Variants in RUSC1 observed in about 807,000 individuals in gnomAD.
RUSC1 encodes the protein AP-4 complex accessory subunit RUSC1.
A neutral mutation model predicts 72.1 loss-of-function variants in RUSC1; 40 were observed. That is an observed-to-expected ratio of 0.55 (90% CI 0.43 to 0.72). The LOEUF (loss-of-function observed/expected upper bound fraction) is 0.72. RUSC1 is among the 30% of genes least tolerant of loss of function. The pLI is 0.00. For synonymous variants in RUSC1, 512 were observed against 494.2 expected (o/e 1.04, Z -0.48); for missense variants, 1,092 against 1,172.3 (o/e 0.93, Z 1.00).
chr1:155,330,520 G>T lies in RUSC1; in HGVS notation c.2658G>T (p.Arg886=). The change falls in exon 10 of 10, where the codon CGG becomes CGT. Residue 886 remains arginine (R), a synonymous_variant. Coordinates refer to ENST00000368352, the MANE Select transcript of RUSC1 (RefSeq NM_001105203.2). ...ATGAGGACTGGCTCCGCTGTGGGCG[G>T]GATGGCATGGAGGGTCTGGTGCCTG... ...TVDEDWLRCG[R]DGMEGLVPVG... is the part of the protein sequence containing the mutation. The T allele has an allele frequency of 6.2e-7, 1 of 1,613,688 alleles. No homozygotes were observed. The highest frequency in any genetic ancestry group is 8.5e-7 in the Non-Finnish European group (1 of 1,179,766).
Position 155,321,871 on chromosome 1 carries a change from A to G in RUSC1, c.98A>G (p.Gln33Arg). 1 of 1,613,572 alleles carries G rather than the reference A, an allele frequency of 6.2e-7. No individual in the cohort carries two copies. Among genetic ancestry groups the G allele is most frequent in the East Asian group, 2.2e-5 (1 of 44,872 alleles). The change falls in exon 2 of 10, where the codon CAG (glutamine) becomes CGG (arginine). Residue 33 changes from glutamine to arginine, a missense_variant. By Grantham distance (43) the Gln-to-Arg change is conservative (BLOSUM62 1). Transcript: ENST00000368352. ...CACTTGTCCCGCCGTCCTGAGCTAC[A>G]GGAGGGGCCTTTGAGCACACCCCCT... ...GLHLSRRPEL[Q>R]EGPLSTPPPP... is the part of the protein sequence containing the mutation.
intron 1 of RUSC1, 45 bp from the exon 2 acceptor site, chr1:155,321,643 A>T: frequency 6.0e-6 from 8 of 1,333,852 alleles, no homozygotes; most frequent in Non-Finnish European, 8.4e-6. Context: ...CCTTCCCCGC[A>T]GCTCTTGTCC....
intron 2 of RUSC1, chr1:155,324,276 C>A: frequency 2.6e-6 from 4 of 1,526,972 alleles, no homozygotes; most frequent in Admixed American, 2.1e-5. Flanking sequence ...TCCAGTCCCA[C>A]GCGGGATGAA....
At position 155,322,490 on chromosome 1, in the gene RUSC1, A is replaced by G; in HGVS notation, c.717A>G (p.Thr239=). The G allele has an allele frequency of 1.2e-6, 2 of 1,613,274 alleles. No individual in the cohort carries two copies. Among genetic ancestry groups the G allele is most frequent in the Non-Finnish European group, 1.7e-6 (2 of 1,179,436 alleles). ...WKINPIWKID[T]EKTKAEWKTT... The stretch of plus-strand genomic sequence containing the variant: ...TTAACCCAATTTGGAAAATTGACAC[A>G]GAGAAAACTAAAGCTGAATGGAAAA... Residue 239 remains threonine (T), a synonymous_variant, in exon 2 of 10, where the codon ACA becomes ACG. Transcript: ENST00000368352.
chr1:155,321,225 T>C (rs1011387726), intron 1 of RUSC1: 40 of 1,358,342 alleles, frequency 2.9e-5, no homozygotes, highest in Non-Finnish European at 3.9e-5. Context: ...CTCCATCCTT[T>C]TCCTCTCCAG....
chr1:155,326,733 C>T lies in RUSC1; in HGVS notation c.2015C>T (p.Pro672Leu). 6.2e-7 allele frequency: 1 copy of T among 1,613,370 alleles called. No homozygotes were observed. The highest frequency in any genetic ancestry group is 8.5e-7 in the Non-Finnish European group (1 of 1,180,040). Residue 672 changes from proline to leucine, a missense_variant, in exon 8 of 10, where the codon CCC becomes CTC. By Grantham distance (98) the Pro-to-Leu change is moderately conservative (BLOSUM62 -3). Coordinates refer to ENST00000368352, the MANE Select transcript of RUSC1 (RefSeq NM_001105203.2). This position sits in a 1 kb window ranked among gnomAD's most constrained non-coding sequence, Gnocchi z 4.7. ...CTCTTTGAGCACCACCACCACCTGC[C>T]CCTGGGCCCACCTCAGGCCCCTGCC... ...DLLFEHHHHL[P>L]LGPPQAPAPP...
At chr1:155,321,342 C>T (rs1404103860) in intron 1 of RUSC1, 11 of 1,373,488 alleles carry the variant, frequency 8.0e-6, no homozygotes, top group Non-Finnish European at 1.1e-5. Flanking sequence ...GTCCCTTCCT[C>T]TGGGAGTAAG....
intron 9 of RUSC1, among the ~76,000 whole-genome samples, chr1:155,328,789 G>A (rs891468087): frequency 3.3e-5 from 5 of 152,102 alleles, no homozygotes; most frequent in Non-Finnish European, 7.4e-5. Context: ...AGTAGAGACC[G>A]GGGTTTCACC....
Position 155,321,971 on chromosome 1 carries a change from C to T in RUSC1, c.198C>T (p.Ser66=). 8.1e-6 allele frequency: 13 copies of T among 1,598,484 alleles called. No homozygotes were observed. Among genetic ancestry groups the T allele is most frequent in the Non-Finnish European group, 1.1e-5 (13 of 1,171,660 alleles). ...CCCTGGTGGACGCCAATTCCAACAG[C>T]CCAGCTGTGCCCTGCCGGTGCTGCC... is the stretch of plus-strand genomic sequence containing the variant. The part of the protein sequence containing the change: ...SGTLVDANSN[S]PAVPCRCCQE... The change falls in exon 2 of 10, where the codon AGC becomes AGT. Residue 66 remains serine (S), a synonymous_variant. Transcript: ENST00000368352.
At position 155,324,959 on chromosome 1, in the gene RUSC1, T is replaced by C. The variant is rs202007222; in HGVS notation, c.1456+16T>C. The C allele has an allele frequency of 5.6e-5, 90 of 1,614,024 alleles. No homozygotes were observed. In the Middle Eastern group the frequency reaches 1.2e-3, roughly 21 times the overall value. On this transcript the variant is annotated intron_variant, in intron 3 of 9. Transcript: ENST00000368352. The stretch of plus-strand genomic sequence containing the variant: ...CAGAAGAAAGGTAGGGCACCCTGAC[T>C]CCCGACCCCGCGCTTCCGAATAAAC...
In RUSC1 at chr1:155,321,836, C is replaced by T; in HGVS notation, c.63C>T (p.Ser21=). 8.7e-6 allele frequency: 14 copies of T among 1,613,980 alleles called. No homozygotes were observed. Among genetic ancestry groups the T allele is most frequent in the Non-Finnish European group, 1.1e-5 (13 of 1,180,018 alleles). ...ACCACATCCACCTCCAGCACGTCTCCCTGGGCCTGCACTTGTCCCGCCGTC... is the reference window on the plus strand; with the variant it reads ...ACCACATCCACCTCCAGCACGTCTCTCTGGGCCTGCACTTGTCCCGCCGTC... ...NLNHIHLQHV[S]LGLHLSRRPE... The change falls in exon 2 of 10, where the codon TCC becomes TCT. Residue 21 remains serine (S), a synonymous_variant. Coordinates refer to ENST00000368352, the MANE Select transcript of RUSC1 (RefSeq NM_001105203.2).
intron 2 of RUSC1, chr1:155,324,371 C>T (rs1300580796): frequency 6.2e-7 from 1 of 1,610,704 alleles, no homozygotes; most frequent in Non-Finnish European, 8.5e-7. Flanking sequence ...TCGGGTCTCG[C>T]CTCCCTCCGT....
intron 1 of RUSC1, 108 bp from the exon 2 acceptor site, chr1:155,321,580 C>T: frequency 1.6e-6 from 2 of 1,279,488 alleles, no homozygotes; most frequent in Non-Finnish European, 2.2e-6. Flanking sequence ...GAAATATCTT[C>T]CAAAGCAGCC....
rs1222766076 is a variant in RUSC1 at position 155,326,449 on chromosome 1, C to G, written c.1862-131C>G. On this transcript the variant is annotated intron_variant, in intron 7 of 9. Coordinates refer to ENST00000368352, the MANE Select transcript of RUSC1 (RefSeq NM_001105203.2). The surrounding 1 kb of genome is among the most constrained non-coding windows in gnomAD (Gnocchi z 4.7). ...TGTCAGTCCTATAGCCCACCACATC[C>G]TTCCTCCTCTCTGCCCCAGTGCCCA... is the stretch of plus-strand genomic sequence containing the variant. The G allele has an allele frequency of 1.1e-6, 1 of 927,966 alleles. No homozygotes were observed. The highest frequency in any genetic ancestry group is 1.6e-6 in the Non-Finnish European group (1 of 628,438). 57.5% of individuals were successfully genotyped at this position (927,966 alleles called of 1,614,324 possible). A position where few individuals can be genotyped will look rare whatever the true frequency, so the allele number is the denominator to read the frequency against.
chr1:155,329,062 A>G (rs1292053675), intron 9 of RUSC1, among the ~76,000 whole-genome samples: 1 of 152,072 alleles, frequency 6.6e-6, no homozygotes, highest in African/African-American at 2.4e-5. Flanking sequence ...GATATGATGC[A>G]ATACCTTTTT....
intron 2 of RUSC1, chr1:155,323,457 C>A (rs1650843787): frequency 4.3e-6 from 1 of 230,596 alleles, no homozygotes; most frequent in South Asian, 1.7e-4. Flanking sequence ...CCGACGGGCG[C>A]CCCCTGTTGG....
intron 1 of RUSC1, 173 bp downstream of exon 1, chr1:155,321,164 G>A (rs1650404764): frequency 1.5e-6 from 2 of 1,375,020 alleles, no homozygotes; most frequent in South Asian, 2.3e-5. Flanking sequence ...GGCGCAGGCT[G>A]GAGCCCGGCC....
intron 1 of RUSC1, chr1:155,321,354 G>C (rs751810919): frequency 7.3e-7 from 1 of 1,376,212 alleles, no homozygotes; most frequent in Admixed American, 1.9e-5. Context: ...GGGAGTAAGG[G>C]GTAGGCTGGA....
intron 9 of RUSC1, 118 bp from the exon 10 acceptor site, chr1:155,330,285 A>T: frequency 1.0e-6 from 1 of 994,942 alleles, no homozygotes; most frequent in Non-Finnish European, 1.5e-6. Flanking sequence ...AAGTCCTTCC[A>T]GAGCCCAGTC....
Sources: allele counts gnomAD v4.1 joint callset (sites outside exome capture counted in the v4.1 genomes callset), GRCh38; gene constraint gnomAD v4.1.1; non-coding constraint Gnocchi (gnomAD v3.1); transcripts MANE v1.5; gene names NCBI Gene and HGNC (gene_info 2026-07-23, HGNC 2026-07-21).